The following DNAJC15 variants were observed in gnomAD, a reference collection of about 807,000 sequenced individuals.
The protein encoded by DNAJC15 is DnaJ heat shock protein family (Hsp40) member C15, also known as dnaJ homolog subfamily C member 15.
DNAJC15 carries 27 observed loss-of-function variants against 22.4 expected under a neutral mutation model. The observed-to-expected ratio is 1.20, with a 90% CI of 0.89 to 1.66. The LOEUF (loss-of-function observed/expected upper bound fraction) is 1.66. Among genes scored for constraint, DNAJC15 ranks in the 40% most tolerant of loss-of-function variants. The pLI, the probability that DNAJC15 is intolerant of heterozygous loss-of-function variation, is 0.00. For missense variants in DNAJC15, 208 were observed against 187.1 expected (o/e 1.11, Z -0.65); for synonymous variants, 79 against 63.2 (o/e 1.25, Z -1.19).
intron 5 of DNAJC15, among the ~76,000 whole-genome samples, chr13:43,099,487 C>T (rs2040756822): frequency 1.3e-5 from 2 of 152,194 alleles, no homozygotes; most frequent in African/African-American, 2.4e-5. Context: ...ATCCAGTCTT[C>T]GCTCATTCAA....
intron 5 of DNAJC15, among the ~76,000 whole-genome samples, chr13:43,101,726 T>C (rs2040769981): frequency 6.6e-6 from 1 of 152,218 alleles, no homozygotes; most frequent in Non-Finnish European, 1.5e-5. Context: ...AGAATAATGG[T>C]CTCCAATTCC....
rs1332241869 is a variant in DNAJC15 at position 43,107,416 on chromosome 13, T to G, written c.*168T>G. On this transcript the variant is annotated 3_prime_UTR_variant, in exon 6 of 6. Coordinates refer to ENST00000379221, the MANE Select transcript of DNAJC15 (RefSeq NM_013238.3). The stretch of plus-strand genomic sequence containing the variant: ...AATAAAATGTTAATAGTCTTGCTTT[T>G]TATTATCTTTTAAAGATCTCCTTAA... 5.4e-5 allele frequency: 24 copies of G among 448,238 alleles called. No individual in the cohort carries two copies. Among genetic ancestry groups the G allele is most frequent in the East Asian group, 7.6e-5 (2 of 26,402 alleles). 27.8% of individuals were successfully genotyped at this position (448,238 alleles called of 1,614,324 possible).
intron 5 of DNAJC15, among the ~76,000 whole-genome samples, chr13:43,087,662 T>C (rs947068773): frequency 2.0e-5 from 3 of 152,316 alleles, no homozygotes; most frequent in Middle Eastern, 3.4e-3. Flanking sequence ...TCCGAATTCA[T>C]GAATATGTTT....
intron 1 of DNAJC15, among the ~76,000 whole-genome samples, chr13:43,055,931 G>A (rs1034928897): frequency 6.6e-6 from 1 of 152,036 alleles, no homozygotes; most frequent in Non-Finnish European, 1.5e-5. Flanking sequence ...GTTTTGGTAG[G>A]TTGTGTCACT....
intron 4 of DNAJC15, 131 bp from the exon 5 acceptor site, chr13:43,085,637 T>G (rs2040684267): frequency 3.1e-6 from 2 of 639,246 alleles, no homozygotes; most frequent in African/African-American, 3.8e-5. Context: ...AGTGGAAAGC[T>G]GTAGTTTCAT....
intron 4 of DNAJC15, among the ~76,000 whole-genome samples, chr13:43,084,926 G>A (rs192936375): frequency 2.6e-4 from 40 of 152,160 alleles, no homozygotes; most frequent in African/African-American, 9.4e-4. Context: ...TACATTCCAG[G>A]TACTGTTCTA....
intron 5 of DNAJC15, among the ~76,000 whole-genome samples, chr13:43,097,906 T>A (rs891428540): frequency 1.3e-5 from 2 of 152,056 alleles, no homozygotes; most frequent in African/African-American, 2.4e-5. Context: ...CATTGCACTC[T>A]AGCCTGGGCA....
intron 5 of DNAJC15, among the ~76,000 whole-genome samples, chr13:43,091,965 A>G (rs1245425576): frequency 6.6e-6 from 1 of 152,208 alleles, no homozygotes; most frequent in Non-Finnish European, 1.5e-5. Context: ...AACAGAATGT[A>G]TATTCTGCAG....
At chr13:43,089,254 C>T (rs1403128538) in intron 5 of DNAJC15, among the ~76,000 whole-genome samples, 1 of 152,136 alleles carries the variant, frequency 6.6e-6, no homozygotes, top group East Asian at 1.9e-4. Flanking sequence ...TATTTAGCAC[C>T]TACTATGTGC....
intron 1 of DNAJC15, among the ~76,000 whole-genome samples, chr13:43,028,023 G>A (rs1232309696): frequency 1.3e-5 from 2 of 152,156 alleles, no homozygotes; most frequent in African/African-American, 2.4e-5. Flanking sequence ...TTCATGGACA[G>A]GGACTTTATT....
At chr13:43,042,096 C>G (rs2040456969) in intron 1 of DNAJC15, among the ~76,000 whole-genome samples, 1 of 152,186 alleles carries the variant, frequency 6.6e-6, no homozygotes, top group Admixed American at 6.5e-5. Context: ...TCCAAGACCA[C>G]CAGTGGATGC....
At chr13:43,062,423 G>A (rs932673420) in intron 1 of DNAJC15, among the ~76,000 whole-genome samples, 2 of 152,320 alleles carry the variant, frequency 1.3e-5, no homozygotes, top group Middle Eastern at 3.4e-3. Flanking sequence ...CTAGAAATAA[G>A]GCAAGGCAGA....
chr13:43,104,928 A>T (rs76285138), intron 5 of DNAJC15, among the ~76,000 whole-genome samples: 2,533 of 151,668 alleles, frequency 0.017, 80 homozygotes, highest in East Asian at 0.1. Flanking sequence ...GGCTCAAGTG[A>T]TCCTCTCACC....
intron 4 of DNAJC15, among the ~76,000 whole-genome samples, chr13:43,082,857 T>TATATATAC (rs144193543): frequency 8.0e-5 from 12 of 149,478 alleles, no homozygotes; most frequent in African/African-American, 2.0e-4. Flanking sequence ...TATATATATA[T>TATATATAC]ATACACACAT....
Position 43,109,509 on chromosome 13 carries a change from A to G in DNAJC15, c.*2261A>G, listed in dbSNP as rs1412258644. On this transcript the variant is annotated 3_prime_UTR_variant, in exon 6 of 6. Coordinates refer to ENST00000379221, the MANE Select transcript of DNAJC15 (RefSeq NM_013238.3). ...TTGATGTCATATTTTCCTAATCCATACTTTATTCATGAGAATTTGAGTCAC... is the reference window on the plus strand; with the variant it reads ...TTGATGTCATATTTTCCTAATCCATGCTTTATTCATGAGAATTTGAGTCAC... The G allele has an allele frequency of 6.6e-6, 1 of 152,098 alleles. No homozygotes were observed. The highest frequency in any genetic ancestry group is 1.9e-4 in the East Asian group (1 of 5,196). 9.4% of individuals were successfully genotyped at this position (152,098 alleles called of 1,614,324 possible).
intron 5 of DNAJC15, among the ~76,000 whole-genome samples, chr13:43,093,546 G>A (rs1430067292): frequency 6.6e-6 from 1 of 152,046 alleles, no homozygotes; most frequent in African/African-American, 2.4e-5. Context: ...AAGTACTTGG[G>A]ACAATAGGTG....
chr13:43,112,865 C>T lies in DNAJC15; in HGVS notation c.*5617C>T, dbSNP rs2040831232. The T allele has an allele frequency of 6.6e-6, 1 of 152,156 alleles. No individual in the cohort carries two copies. The highest frequency in any genetic ancestry group is 2.4e-5 in the African/African-American group (1 of 41,434). 9.4% of individuals were successfully genotyped at this position (152,156 alleles called of 1,614,324 possible). On this transcript the variant is annotated 3_prime_UTR_variant, in exon 6 of 6. Coordinates refer to ENST00000379221, the MANE Select transcript of DNAJC15 (RefSeq NM_013238.3). ...GAAGGGGCTTGTATGACTTTTGGCT[C>T]ATTTTTTGATGCATGTGACCTGGGA...
At chr13:43,087,478 A>C (rs1275852421) in intron 5 of DNAJC15, among the ~76,000 whole-genome samples, 1 of 152,236 alleles carries the variant, frequency 6.6e-6, no homozygotes, top group Non-Finnish European at 1.5e-5. Flanking sequence ...ATTTTAAACA[A>C]AAATGCCTCA....
chr13:43,035,416 A>C (rs560371698), intron 1 of DNAJC15, among the ~76,000 whole-genome samples: 2 of 152,340 alleles, frequency 1.3e-5, no homozygotes, highest in East Asian at 3.9e-4. Flanking sequence ...TATGGTCTTC[A>C]AGAGAATGAT....
Sources: gnomAD v4.1 joint callset for allele counts (sites outside exome capture counted in the v4.1 genomes callset) on GRCh38, gnomAD v4.1.1 for gene constraint, MANE v1.5 for transcripts, NCBI Gene and HGNC (gene_info 2026-07-23, HGNC 2026-07-21) for gene names.